Variants in PRKG1 observed in about 807,000 individuals in gnomAD.
PRKG1 encodes the protein cGMP-dependent protein kinase 1.
PRKG1 carries 35 observed loss-of-function variants against 88.1 expected under a neutral mutation model. That is an observed-to-expected ratio of 0.40 (90% CI 0.30 to 0.53). The LOEUF (loss-of-function observed/expected upper bound fraction) is 0.53, where lower values mean the gene tolerates loss of function less well. PRKG1 is among the 20% of genes least tolerant of loss of function. The pLI is 0.59. For missense variants in PRKG1, 540 were observed against 839.8 expected, an observed-to-expected ratio of 0.64 and a Z score of 4.41; for synonymous variants, 303 against 292.5, an observed-to-expected ratio of 1.04 and a Z score of -0.37.
intron 9 of PRKG1, among the ~76,000 whole-genome samples, chr10:52,204,769 A>AT (rs1394738888): frequency 2.0e-5 from 3 of 152,100 alleles, no homozygotes; most frequent in Admixed American, 6.5e-5. Context: ...AACTGCACAA[A>AT]TTTTTTATAG....
At chr10:51,131,489 G>A (rs550848512) in intron 1 of PRKG1, among the ~76,000 whole-genome samples, 1 of 152,282 alleles carries the variant, frequency 6.6e-6, no homozygotes, top group East Asian at 1.9e-4. Flanking sequence ...GCTCATGCCT[G>A]TAATCCCTGC....
chr10:51,961,339 G>A (rs1056156555), intron 5 of PRKG1, among the ~76,000 whole-genome samples: 3 of 152,032 alleles, frequency 2.0e-5, no homozygotes, highest in Admixed American at 1.3e-4. Flanking sequence ...TCTGCGTTTG[G>A]TTGAGAATGA....
At chr10:51,387,349 A>G (rs1837278061) in intron 2 of PRKG1, among the ~76,000 whole-genome samples, 1 of 149,010 alleles carries the variant, frequency 6.7e-6, no homozygotes, top group Non-Finnish European at 1.5e-5. Flanking sequence ...TGTAAATATT[A>G]TATATAAATA....
chr10:51,710,679 GT>G (rs908162740), intron 3 of PRKG1, among the ~76,000 whole-genome samples: 6 of 152,144 alleles, frequency 3.9e-5, no homozygotes, highest in African/African-American at 1.4e-4. Flanking sequence ...ATAGAACCAA[GT>G]TTATTACTTA....
intron 2 of PRKG1, among the ~76,000 whole-genome samples, chr10:51,275,439 G>A (rs1050079999): frequency 1.3e-5 from 2 of 152,154 alleles, no homozygotes; most frequent in African/African-American, 4.8e-5. Context: ...TTTGGAAAAT[G>A]TCTTTGCACA....
intron 9 of PRKG1, among the ~76,000 whole-genome samples, chr10:52,186,304 CT>C (rs917936173): frequency 1.3e-5 from 2 of 152,072 alleles, no homozygotes; most frequent in Non-Finnish European, 2.9e-5. Context: ...GCATCCCAGA[CT>C]TTTAAACAAC....
At chr10:51,533,698 A>G (rs1226092465) in intron 3 of PRKG1, among the ~76,000 whole-genome samples, 1 of 151,858 alleles carries the variant, frequency 6.6e-6, no homozygotes, top group Non-Finnish European at 1.5e-5. Flanking sequence ...CATTTATTAT[A>G]TATTCTGGAG....
intron 3 of PRKG1, among the ~76,000 whole-genome samples, chr10:51,494,535 A>T (rs1173516793): frequency 6.6e-6 from 1 of 152,208 alleles, no homozygotes; most frequent in Middle Eastern, 3.2e-3. Flanking sequence ...GTGAGAATGG[A>T]GTTGCAGAGA....
intron 2 of PRKG1, among the ~76,000 whole-genome samples, chr10:51,426,266 G>A (rs1476949963): frequency 6.6e-6 from 1 of 152,080 alleles, no homozygotes; most frequent in Non-Finnish European, 1.5e-5. Context: ...GGGCGACAGA[G>A]CAAGACTCTG....
chr10:51,916,990 T>A (rs1025787886), intron 5 of PRKG1, among the ~76,000 whole-genome samples: 20 of 152,098 alleles, frequency 1.3e-4, no homozygotes, highest in Admixed American at 1.3e-4. Context: ...GAAAGTAAAT[T>A]AGTGAAGGAG....
intron 2 of PRKG1, among the ~76,000 whole-genome samples, chr10:51,346,271 A>G (rs1842111924): frequency 6.6e-6 from 1 of 152,222 alleles, no homozygotes; most frequent in African/African-American, 2.4e-5. Flanking sequence ...ATAGTCTATA[A>G]AGTAATAACA....
chr10:51,955,375 T>TTCAATA (rs2133060351), intron 5 of PRKG1, among the ~76,000 whole-genome samples: 1 of 152,240 alleles, frequency 6.6e-6, no homozygotes, highest in East Asian at 1.9e-4. Flanking sequence ...ATTTCATAGG[T>TTCAATA]TGGTACACCA....
At chr10:52,122,123 G>A (rs997912854) in intron 7 of PRKG1, among the ~76,000 whole-genome samples, 3 of 152,202 alleles carry the variant, frequency 2.0e-5, no homozygotes, top group African/African-American at 7.2e-5. Flanking sequence ...TCTGGTGAGG[G>A]TCTTCTTGAT....
At chr10:51,734,635 T>A (rs1837217228) in intron 3 of PRKG1, among the ~76,000 whole-genome samples, 1 of 152,164 alleles carries the variant, frequency 6.6e-6, no homozygotes, top group Non-Finnish European at 1.5e-5. Context: ...AATAAATATT[T>A]CTAAAGAACC....
At chr10:52,215,372 C>T (rs529752403) in intron 9 of PRKG1, among the ~76,000 whole-genome samples, 47 of 139,926 alleles carry the variant, frequency 3.4e-4, no homozygotes, top group African/African-American at 1.2e-3. Flanking sequence ...CCAGCCTGGG[C>T]GACAAGAGCA....
At chr10:51,074,485 G>A, upstream of PRKG1, 2 of 1,481,266 alleles carry the variant, frequency 1.4e-6, no homozygotes, top group Non-Finnish European at 1.8e-6. Context: ...GGAAGCTTTG[G>A]CACTCGGGAG....
At chr10:51,530,428 A>G (rs1356821282) in intron 3 of PRKG1, among the ~76,000 whole-genome samples, 2 of 152,314 alleles carry the variant, frequency 1.3e-5, no homozygotes, top group African/African-American at 4.8e-5. Context: ...GGGCAAACAT[A>G]GTGCTCACTA....
chr10:51,165,038 A>T (rs1846495273), intron 2 of PRKG1, among the ~76,000 whole-genome samples: 1 of 152,182 alleles, frequency 6.6e-6, no homozygotes, highest in African/African-American at 2.4e-5. Flanking sequence ...GATTCAGGAA[A>T]TACAGAGAAC....
intron 3 of PRKG1, among the ~76,000 whole-genome samples, chr10:51,779,554 C>A (rs1182715871): frequency 1.3e-5 from 2 of 151,972 alleles, no homozygotes; most frequent in Non-Finnish European, 2.9e-5. Context: ...TGCTATTGAG[C>A]CAAAAATCAT....
Sources: gnomAD v4.1 joint callset for allele counts (sites outside exome capture counted in the v4.1 genomes callset) on GRCh38, gnomAD v4.1.1 for gene constraint, MANE v1.5 for transcripts, NCBI Gene and HGNC (gene_info 2026-07-23, HGNC 2026-07-21) for gene names.